Variants in KDM4C observed in about 807,000 individuals in gnomAD.
KDM4C encodes the protein lysine-specific demethylase 4C.
Under a neutral mutation model 129.3 loss-of-function variants are expected in KDM4C, and 81 were observed. The observed-to-expected ratio is 0.63, with a 90% CI of 0.52 to 0.75. The LOEUF (loss-of-function observed/expected upper bound fraction) is 0.75, where lower values mean the gene tolerates loss of function less well. Among genes scored for constraint, KDM4C ranks in the 30% least tolerant of loss-of-function variants. KDM4C has a pLI of 0.00. For missense variants in KDM4C, 1,457 were observed against 1,304.0 expected, an observed-to-expected ratio of 1.12 and a Z score of -1.81; for synonymous variants, 573 against 456.1, an observed-to-expected ratio of 1.26 and a Z score of -3.26.
At chr9:6,835,625 C>G (rs1835741519) in intron 4 of KDM4C, 1 of 823,036 alleles carries the variant, frequency 1.2e-6, no homozygotes, top group African/African-American at 1.7e-5. Context: ...CAAAACCTGA[C>G]TTGTGCAGAA....
intron 17 of KDM4C, among the ~76,000 whole-genome samples, chr9:7,075,082 A>G (rs749342345): frequency 2.0e-5 from 3 of 152,136 alleles, no homozygotes; most frequent in Admixed American, 6.6e-5. Flanking sequence ...TTTCTCCCCA[A>G]CTGGACCCCA....
chr9:6,986,583 G>A lies in KDM4C; in HGVS notation c.1594G>A (p.Val532Met). ...GVLTEGEESD[V>M]ESHGNGLEPG... is the part of the protein sequence containing the mutation. ...GTTAACAGAGGGAGAAGAGAGTGAT[G>A]TGGAGAGCCATGGGAATGGCCTTGA... The change falls in exon 11 of 22, where the codon GTG (valine) becomes ATG (methionine). Residue 532 changes from valine to methionine, a missense_variant. Val to Met is a conservative substitution (Grantham distance 21). Transcript: ENST00000381309. 1 of 1,614,140 alleles carries A rather than the reference G, an allele frequency of 6.2e-7. No homozygotes were observed. The highest frequency in any genetic ancestry group is 8.5e-7 in the Non-Finnish European group (1 of 1,180,000).
rs189574020 is a variant in KDM4C at position 6,906,970 on chromosome 9, A to G, written c.921+13738A>G. Among the ~76,000 whole-genome samples the G allele has an allele frequency of 5.6e-3, 848 of 152,328 alleles. 7 individuals carry two copies. The highest frequency in any genetic ancestry group is 9.2e-3 in the Non-Finnish European group (626 of 68,028). On this transcript the variant is annotated intron_variant, in intron 8 of 21. Coordinates refer to ENST00000381309, the MANE Select transcript of KDM4C (RefSeq NM_015061.6). ...GAACAATCTAAGATTTATGATATGG[A>G]TCAAGGATTCTAGAAACTATTCTCG... is the stretch of plus-strand genomic sequence containing the variant.
chr9:6,788,677 C>G (rs1825943089), intron 1 of KDM4C, among the ~76,000 whole-genome samples: 1 of 152,138 alleles, frequency 6.6e-6, no homozygotes, highest in Non-Finnish European at 1.5e-5. Flanking sequence ...AGACTGTATG[C>G]TAGGGCTTAA....
At chr9:7,002,840 T>C (rs930185725) in intron 12 of KDM4C, among the ~76,000 whole-genome samples, 3 of 152,212 alleles carry the variant, frequency 2.0e-5, no homozygotes, top group Non-Finnish European at 4.4e-5. Flanking sequence ...AAATACTGTC[T>C]GTTCAATTCC....
intron 8 of KDM4C, among the ~76,000 whole-genome samples, chr9:6,897,362 C>T (rs1370049994): frequency 6.6e-6 from 1 of 152,186 alleles, no homozygotes; most frequent in Admixed American, 6.5e-5. Context: ...ATTCTCCTCT[C>T]ATTTCTGTCT....
rs544523532 is a variant in KDM4C at position 6,944,143 on chromosome 9, G to A, written c.922-36782G>A. ...GTTGGGTTAGGAAATCCTCTTAAAT[G>A]AAATTAAATTATCTGCAAGCAGAGG... On this transcript the variant is annotated intron_variant, in intron 8 of 21. Transcript: ENST00000381309. Among the ~76,000 whole-genome samples, 5 of 152,262 alleles carry A rather than the reference G, an allele frequency of 3.3e-5. No homozygotes were observed. The South Asian group carries it at 1.0e-3, about 32-fold the overall frequency.
At chr9:6,833,556 G>A (rs1370134924) in intron 4 of KDM4C, among the ~76,000 whole-genome samples, 1 of 152,154 alleles carries the variant, frequency 6.6e-6, no homozygotes. Context: ...TGAACTGTGA[G>A]GTCTTGGCAA....
chr9:6,819,745 A>T (rs1025900759), intron 4 of KDM4C, among the ~76,000 whole-genome samples: 3 of 152,222 alleles, frequency 2.0e-5, no homozygotes, highest in Non-Finnish European at 4.4e-5. Flanking sequence ...AGTGAGTGTA[A>T]TAATTGCTTA....
chr9:7,036,967 A>G (rs1273672296), intron 15 of KDM4C, among the ~76,000 whole-genome samples: 2 of 152,194 alleles, frequency 1.3e-5, no homozygotes, highest in Non-Finnish European at 2.9e-5. Flanking sequence ...TTTCCATTTA[A>G]AAGGTACTGC....
intron 12 of KDM4C, among the ~76,000 whole-genome samples, chr9:7,007,756 A>G (rs1046633606): frequency 6.6e-6 from 1 of 152,152 alleles, no homozygotes; most frequent in African/African-American, 2.4e-5. Flanking sequence ...GGTTCATTTT[A>G]TTGATATTTA....
chr9:6,965,000 A>G (rs1183037319), intron 8 of KDM4C, among the ~76,000 whole-genome samples: 1 of 151,988 alleles, frequency 6.6e-6, no homozygotes, highest in Non-Finnish European at 1.5e-5. Context: ...TTTCTCCTAC[A>G]TAACCTTTTT....
chr9:7,038,043 G>A (rs10976002), intron 15 of KDM4C, among the ~76,000 whole-genome samples: 17,439 of 151,950 alleles, frequency 0.11, 1,379 homozygotes, highest in African/African-American at 0.21. Context: ...TGATATCACC[G>A]TAGGTTAGAT....
chr9:6,910,194 G>A (rs921492510), intron 8 of KDM4C, among the ~76,000 whole-genome samples: 3 of 151,786 alleles, frequency 2.0e-5, no homozygotes, highest in African/African-American at 7.3e-5. Flanking sequence ...ACTCTTTTTT[G>A]CCATTAGGGG....
At chr9:7,055,462 C>T (rs1830743673) in intron 17 of KDM4C, among the ~76,000 whole-genome samples, 1 of 152,208 alleles carries the variant, frequency 6.6e-6, no homozygotes, top group South Asian at 2.1e-4. Flanking sequence ...AAGGAATTTA[C>T]ACTACAATGA....
At position 7,018,947 on chromosome 9, in the gene KDM4C, A is replaced by T. The variant is rs117667098; in HGVS notation, c.2259+3018A>T. ...TTACAGTTGAACTGGGAACTCTTGA[A>T]TATAACATTACAATGATTTTTAGAC... On this transcript the variant is annotated intron_variant, in intron 15 of 21. Coordinates refer to ENST00000381309, the MANE Select transcript of KDM4C (RefSeq NM_015061.6). 9.8e-3 allele frequency among the ~76,000 whole-genome samples: 1,490 copies of T among 152,326 alleles called. 11 individuals are homozygous for T. Among genetic ancestry groups the T allele is most frequent in the South Asian group, 0.019 (93 of 4,826 alleles).
intron 16 of KDM4C, 98 bp from the exon 17 acceptor site, chr9:7,048,994 C>T (rs1829791361): frequency 2.7e-6 from 2 of 751,746 alleles, no homozygotes; most frequent in Non-Finnish European, 4.6e-6. Flanking sequence ...CTTTCTTGCT[C>T]ATCTGTGTAT....
At chr9:7,170,217 G>A in intron 21 of KDM4C, 1 of 1,199,312 alleles carries the variant, frequency 8.3e-7, no homozygotes, top group Non-Finnish European at 1.0e-6. Flanking sequence ...CAAGGCATTT[G>A]CAATCTTGTT....
chr9:6,732,139 G>T (rs924102591), intron 1 of KDM4C, among the ~76,000 whole-genome samples: 2 of 151,780 alleles, frequency 1.3e-5, no homozygotes, highest in African/African-American at 4.8e-5. Flanking sequence ...GGCCAAGGTG[G>T]GCGGATCACG....
Sources: allele counts gnomAD v4.1 joint callset (sites outside exome capture counted in the v4.1 genomes callset), GRCh38; gene constraint gnomAD v4.1.1; transcripts MANE v1.5; gene names NCBI Gene and HGNC (gene_info 2026-07-23, HGNC 2026-07-21).